Variants in ZNF33B observed in about 807,000 individuals in gnomAD.
ZNF33B encodes the protein zinc finger protein 33B.
ZNF33B carries 29 observed loss-of-function variants against 45.8 expected under a neutral mutation model. The ratio of observed to expected loss-of-function variants is 0.63; its 90% CI spans 0.47 to 0.86. The LOEUF (loss-of-function observed/expected upper bound fraction) is 0.86. ZNF33B is among the 40% of genes least tolerant of loss of function. The probability of loss-of-function intolerance (pLI) is 0.00; values close to 1 mark genes in which losing one functional copy is unlikely to be tolerated. For synonymous variants in ZNF33B, 305 were observed against 307.8 expected (o/e 0.99, Z 0.10); for missense variants, 831 against 909.9 (o/e 0.91, Z 1.12).
intron 4 of ZNF33B, among the ~76,000 whole-genome samples, chr10:42,597,963 T>C (rs1475815725): frequency 2.0e-5 from 3 of 152,236 alleles, no homozygotes; most frequent in Non-Finnish European, 2.9e-5. Flanking sequence ...ATGCAGTATA[T>C]TGCTGTATTT....
rs566945662 is a variant in ZNF33B at position 42,593,142 on chromosome 10, T to C, written c.1808A>G (p.His603Arg). The C allele has an allele frequency of 1.2e-6, 2 of 1,613,792 alleles. No homozygotes were observed. Among genetic ancestry groups the C allele is most frequent in the Non-Finnish European group, 1.7e-6 (2 of 1,179,966 alleles). The change falls in exon 5 of 5, where the codon CAT becomes CGT. Residue 603 changes from histidine (H) to arginine (R), a missense_variant. Coordinates refer to ENST00000359467, the MANE Select transcript of ZNF33B (RefSeq NM_006955.3). ...ACATTCATAGGGTTTCTCCCCTGTA[T>C]GTGTTCTATTATGTTTTGTTAGGTA... ...KSYLTKHNRT[H>R]TGEKPYECNE... is the part of the protein sequence containing the mutation.
intron 1 of ZNF33B, chr10:42,581,960 C>T (rs1836834079): frequency 6.6e-6 from 1 of 152,128 alleles, no homozygotes; most frequent in Non-Finnish European, 1.5e-5. Context: ...ACACAAAATA[C>T]AAAAATTAGC....
chr10:42,629,967 A>G (rs2132157324), intron 4 of ZNF33B, among the ~76,000 whole-genome samples: 1 of 152,302 alleles, frequency 6.6e-6, no homozygotes, highest in South Asian at 2.1e-4. Context: ...CCACTTTTAA[A>G]ATATAATTGT....
intron 1 of ZNF33B, among the ~76,000 whole-genome samples, chr10:42,584,045 G>C (rs960348161): frequency 6.6e-6 from 1 of 152,150 alleles, no homozygotes; most frequent in Non-Finnish European, 1.5e-5. Flanking sequence ...TCCCCCAGCA[G>C]CCATTGGTCA....
chr10:42,620,826 A>C (rs1331744310), intron 4 of ZNF33B, among the ~76,000 whole-genome samples: 1 of 152,176 alleles, frequency 6.6e-6, no homozygotes, highest in African/African-American at 2.4e-5. Context: ...ACCAAAAGAG[A>C]ACTGGGGTGG....
chr10:42,587,319 C>T (rs985152143), downstream of ZNF33B, among the ~76,000 whole-genome samples: 2 of 152,132 alleles, frequency 1.3e-5, no homozygotes, highest in African/African-American at 4.8e-5. Context: ...CCTGCCTTAG[C>T]CTCCTGAGTA....
chr10:42,595,026 T>C lies in ZNF33B; in HGVS notation c.251-327A>G, dbSNP rs553947668. ...TCCCCATGCATCTCCCCAAGAACTA[T>C]AAAGGTCAGCATAAGTGGAGCAAAT... On this transcript the variant is annotated intron_variant, in intron 4 of 4. Coordinates refer to ENST00000359467, the MANE Select transcript of ZNF33B (RefSeq NM_006955.3). 1.3e-4 allele frequency among the ~76,000 whole-genome samples: 20 copies of C among 152,248 alleles called. No individual in the cohort carries two copies. In the South Asian group the frequency reaches 4.1e-3, roughly 32 times the overall value.
chr10:42,636,896 G>T, intron 2 of ZNF33B, 24 bp downstream of exon 2: 2 of 1,614,102 alleles, frequency 1.2e-6, no homozygotes, highest in East Asian at 4.5e-5. Flanking sequence ...GCAAAATAAA[G>T]TAGGGAATTA....
intron 4 of ZNF33B, among the ~76,000 whole-genome samples, chr10:42,620,349 T>C (rs1250195545): frequency 6.6e-6 from 1 of 152,002 alleles, no homozygotes; most frequent in African/African-American, 2.4e-5. Flanking sequence ...TTACTTTAAA[T>C]GATAATTGCT....
intron 4 of ZNF33B, among the ~76,000 whole-genome samples, chr10:42,621,861 A>G (rs1400655787): frequency 6.6e-6 from 1 of 152,206 alleles, no homozygotes; most frequent in African/African-American, 2.4e-5. Context: ...AACAAGAAAA[A>G]GAAAGAGAGG....
intron 2 of ZNF33B, among the ~76,000 whole-genome samples, chr10:42,633,699 G>A (rs1839155330): frequency 6.6e-6 from 1 of 152,200 alleles, no homozygotes; most frequent in Non-Finnish European, 1.5e-5. Context: ...TGGGTGCAGT[G>A]CCTCACGCCT....
At chr10:42,636,540 G>A (rs1839308629) in intron 2 of ZNF33B, among the ~76,000 whole-genome samples, 1 of 152,078 alleles carries the variant, frequency 6.6e-6, no homozygotes, top group Admixed American at 6.5e-5. Flanking sequence ...ATTGACTCTT[G>A]GCCAGGCACG....
intron 1 of ZNF33B, among the ~76,000 whole-genome samples, chr10:42,576,259 G>C (rs1054102386): frequency 6.6e-6 from 1 of 152,088 alleles, no homozygotes; most frequent in African/African-American, 2.4e-5. Context: ...AAAATGCTGA[G>C]ATTACAGGTG....
At position 42,591,289 on chromosome 10, in the gene ZNF33B, T is replaced by C. The variant is rs557476277; in HGVS notation, c.*1324A>G. 1 of 904,354 alleles carries C rather than the reference T, an allele frequency of 1.1e-6. No individual in the cohort carries two copies. The highest frequency in any genetic ancestry group is 1.2e-4 in the East Asian group (1 of 8,388). The allele number at this position is 904,354 out of a possible 1,614,324, so 56.0% of individuals were successfully genotyped here. ...GGAGAGCAGCTGCTTAAAGAAAATT[T>C]GGACTATCACTTACGCTGAAGGCTG... On this transcript the variant is annotated 3_prime_UTR_variant, in exon 5 of 5. Transcript: ENST00000359467.
chr10:42,613,743 ATAAG>A (rs1450489582), intron 4 of ZNF33B, among the ~76,000 whole-genome samples: 1 of 152,212 alleles, frequency 6.6e-6, no homozygotes, highest in Non-Finnish European at 1.5e-5. Flanking sequence ...GTAGAACTAT[ATAAG>A]TAAGTATATT....
downstream of ZNF33B, among the ~76,000 whole-genome samples, chr10:42,588,142 T>C (rs1278266554): frequency 6.6e-6 from 1 of 152,180 alleles, no homozygotes; most frequent in Non-Finnish European, 1.5e-5. Flanking sequence ...GCTGATCAGT[T>C]TGTGTGCAGT....
At chr10:42,621,971 T>G (rs556936402) in intron 4 of ZNF33B, among the ~76,000 whole-genome samples, 2 of 152,304 alleles carry the variant, frequency 1.3e-5, no homozygotes, top group African/African-American at 4.8e-5. Flanking sequence ...CTATAGCTAA[T>G]GAATGAATTC....
At chr10:42,612,083 AT>A (rs879895916) in intron 4 of ZNF33B, among the ~76,000 whole-genome samples, 2,032 of 145,600 alleles carry the variant, frequency 0.014, 49 homozygotes, top group African/African-American at 0.045. Flanking sequence ...TTTCCTGCAG[AT>A]TTTTTTTTTT....
downstream of ZNF33B, among the ~76,000 whole-genome samples, chr10:42,585,734 T>C (rs534573856): frequency 6.6e-6 from 1 of 152,240 alleles, no homozygotes; most frequent in African/African-American, 2.4e-5. Flanking sequence ...ATTATGTATA[T>C]ATTTACATGT....
Sources: allele counts gnomAD v4.1 joint callset (sites outside exome capture counted in the v4.1 genomes callset), GRCh38; gene constraint gnomAD v4.1.1; transcripts MANE v1.5; gene names NCBI Gene and HGNC (gene_info 2026-07-23, HGNC 2026-07-21).